The following GLRA3 variants were observed in gnomAD, a reference collection of about 807,000 sequenced individuals.
GLRA3 encodes glycine receptor subunit alpha-3.
A neutral mutation model predicts 60.4 loss-of-function variants in GLRA3; 44 were observed. That is an observed-to-expected ratio of 0.73 (90% CI 0.57 to 0.94). The LOEUF (loss-of-function observed/expected upper bound fraction) is 0.94, where lower values mean the gene tolerates loss of function less well. Among genes scored for constraint, GLRA3 ranks in the 40% least tolerant of loss-of-function variants. The probability of loss-of-function intolerance (pLI) is 0.00; values close to 1 mark genes in which losing one functional copy is unlikely to be tolerated. For synonymous variants in GLRA3, 223 were observed against 192.9 expected, an observed-to-expected ratio of 1.16 and a Z score of -1.29; for missense variants, 508 against 564.6, an observed-to-expected ratio of 0.90 and a Z score of 1.02.
At chr4:174,695,434 A>G (rs1735013975) in intron 5 of GLRA3, among the ~76,000 whole-genome samples, 1 of 152,210 alleles carries the variant, frequency 6.6e-6, no homozygotes, top group Non-Finnish European at 1.5e-5. Context: ...TTGGTTCAAC[A>G]TATGCAAATC....
chr4:174,783,185 C>T (rs1738963702), intron 2 of GLRA3, among the ~76,000 whole-genome samples: 1 of 151,590 alleles, frequency 6.6e-6, no homozygotes, highest in Admixed American at 6.6e-5. Context: ...ACTATCTGAT[C>T]TTTGACAAAC....
intron 1 of GLRA3, among the ~76,000 whole-genome samples, chr4:174,789,518 A>C (rs1021557904): frequency 6.6e-6 from 1 of 152,162 alleles, no homozygotes; most frequent in African/African-American, 2.4e-5. Context: ...TTTCGTTCAG[A>C]TCTAAAATTT....
chr4:174,702,472 C>T (rs1246111110), intron 5 of GLRA3, among the ~76,000 whole-genome samples: 1 of 152,066 alleles, frequency 6.6e-6, no homozygotes, highest in African/African-American at 2.4e-5. Flanking sequence ...CTAAGGTATC[C>T]CTATATTCAA....
chr4:174,740,740 C>A (rs1217995359), intron 3 of GLRA3, among the ~76,000 whole-genome samples: 3 of 152,196 alleles, frequency 2.0e-5, no homozygotes, highest in Admixed American at 6.5e-5. Flanking sequence ...CACAGATATT[C>A]CCTGTGTTGC....
chr4:174,783,706 G>A (rs1314269188), intron 2 of GLRA3, among the ~76,000 whole-genome samples: 3 of 148,128 alleles, frequency 2.0e-5, no homozygotes, highest in Admixed American at 6.7e-5. Flanking sequence ...GCAGCCAAAA[G>A]ACACATGAAA....
chr4:174,790,825 C>CAAAAAAAAAAAAAAAA (rs751090125), intron 1 of GLRA3, among the ~76,000 whole-genome samples: 2 of 65,102 alleles, frequency 3.1e-5, no homozygotes, highest in Non-Finnish European at 5.2e-5. Flanking sequence ...CTAAAAAATA[C>CAAAAAAAAAAAAAAAA]AAAAAAAAAA....
At chr4:174,760,304 G>A (rs963158237) in intron 3 of GLRA3, among the ~76,000 whole-genome samples, 13 of 152,106 alleles carry the variant, frequency 8.5e-5, no homozygotes, top group African/African-American at 2.7e-4. Flanking sequence ...AATTAGAAGT[G>A]GGTAAATACT....
chr4:174,746,557 G>A (rs1369702755), intron 3 of GLRA3, among the ~76,000 whole-genome samples: 2 of 152,122 alleles, frequency 1.3e-5, no homozygotes, highest in Non-Finnish European at 2.9e-5. Context: ...TATACAATTA[G>A]ATAGAAGAAA....
rs150293995 is a variant in GLRA3 at position 174,724,840 on chromosome 4, G to C, written c.491+3635C>G. Among the ~76,000 whole-genome samples the C allele has an allele frequency of 6.0e-3, 915 of 152,196 alleles. 6 individuals carry two copies. The highest frequency in any genetic ancestry group is 8.4e-3 in the Non-Finnish European group (572 of 67,996). The stretch of plus-strand genomic sequence containing the variant: ...CCTTTCAGCACCTAAAAAAATATTT[G>C]TAGCTTCTTTCTGGCTTCAGTGACG... On this transcript the variant is annotated intron_variant, in intron 4 of 9. Coordinates refer to ENST00000274093, the MANE Select transcript of GLRA3 (RefSeq NM_006529.4).
intron 2 of GLRA3, among the ~76,000 whole-genome samples, chr4:174,771,570 T>C (rs937090564): frequency 6.6e-6 from 1 of 152,064 alleles, no homozygotes; most frequent in African/African-American, 2.4e-5. Flanking sequence ...AACATCAGTA[T>C]TGGGTTAATT....
intron 3 of GLRA3, among the ~76,000 whole-genome samples, chr4:174,757,944 T>C (rs530511975): frequency 6.6e-6 from 1 of 152,252 alleles, no homozygotes; most frequent in East Asian, 1.9e-4. Context: ...GCTGTCCCCA[T>C]GGTAACCAAT....
intron 1 of GLRA3, among the ~76,000 whole-genome samples, chr4:174,817,545 C>A (rs11133056): frequency 4.6e-5 from 7 of 152,030 alleles, no homozygotes; most frequent in Admixed American, 1.3e-4. Flanking sequence ...CGTTCAACAG[C>A]CCTCACTTCT....
At chr4:174,655,589 T>A (rs1733165372) in intron 9 of GLRA3, among the ~76,000 whole-genome samples, 1 of 152,128 alleles carries the variant, frequency 6.6e-6, no homozygotes, top group Non-Finnish European at 1.5e-5. Context: ...CAGAGAAAGA[T>A]TAGAGAGTCT....
intron 1 of GLRA3, among the ~76,000 whole-genome samples, chr4:174,806,470 T>C (rs1441593275): frequency 6.6e-6 from 1 of 152,166 alleles, no homozygotes; most frequent in African/African-American, 2.4e-5. Flanking sequence ...TGTATCTGTG[T>C]CAAGTTCTGC....
Position 174,743,893 on chromosome 4 carries a change from A to G in GLRA3, c.268-15195T>C, listed in dbSNP as rs535590555. Among the ~76,000 whole-genome samples, 15 of 152,144 alleles carry G rather than the reference A, an allele frequency of 9.9e-5. No homozygotes were observed. In the South Asian group the frequency reaches 2.9e-3, roughly 29 times the overall value. On this transcript the variant is annotated intron_variant, in intron 3 of 9. Transcript: ENST00000274093. ...CAGCTCTGTGCCTGGGTTTATGAGT[A>G]CAGAACAGGACCCCCTCTCTTGATC...
chr4:174,826,035 C>T (rs1270855208), intron 1 of GLRA3, among the ~76,000 whole-genome samples: 1 of 152,126 alleles, frequency 6.6e-6, no homozygotes, highest in East Asian at 1.9e-4. Flanking sequence ...TAAACACACC[C>T]ATGCCTGTGC....
intron 2 of GLRA3, among the ~76,000 whole-genome samples, chr4:174,781,692 C>T (rs372525473): frequency 7.4e-4 from 111 of 149,210 alleles, no homozygotes; most frequent in South Asian, 1.9e-3. Context: ...AACACCTCTA[C>T]GCAAATAAAC....
chr4:174,696,519 C>T (rs1011846278), intron 5 of GLRA3, among the ~76,000 whole-genome samples: 1 of 149,166 alleles, frequency 6.7e-6, no homozygotes, highest in Non-Finnish European at 1.5e-5. Context: ...AAAGATAATT[C>T]TATATTAAAG....
At chr4:174,783,779 C>T (rs561164928) in intron 2 of GLRA3, among the ~76,000 whole-genome samples, 296 of 151,476 alleles carry the variant, frequency 2.0e-3, no homozygotes, top group African/African-American at 7.0e-3. Context: ...GATACCATCT[C>T]ACACCAGTTA....
Sources: gnomAD v4.1 joint callset for allele counts (sites outside exome capture counted in the v4.1 genomes callset) on GRCh38, gnomAD v4.1.1 for gene constraint, MANE v1.5 for transcripts, NCBI Gene and HGNC (gene_info 2026-07-23, HGNC 2026-07-21) for gene names.